The following AADAC variants were observed in gnomAD, a reference collection of about 807,000 sequenced individuals.
The protein encoded by AADAC is arylacetamide deacetylase (esterase).
A neutral mutation model predicts 22.7 loss-of-function variants in AADAC; 17 were observed. The ratio of observed to expected loss-of-function variants is 0.75; its 90% CI spans 0.51 to 1.12. The LOEUF (loss-of-function observed/expected upper bound fraction) is 1.12. Among genes scored for constraint, AADAC ranks in the 50% most tolerant of loss-of-function variants. The pLI is 0.00. For missense variants in AADAC, 465 were observed against 473.9 expected, an observed-to-expected ratio of 0.98 and a Z score of 0.17; for synonymous variants, 167 against 176.3, an observed-to-expected ratio of 0.95 and a Z score of 0.42.
At chr3:151,818,184 T>C (rs1716074239) in intron 2 of AADAC, among the ~76,000 whole-genome samples, 1 of 149,168 alleles carries the variant, frequency 6.7e-6, no homozygotes, top group Non-Finnish European at 1.5e-5. Flanking sequence ...GAGGTCGCAG[T>C]GAGCCAAGAT....
chr3:151,821,432 T>G (rs556519508), intron 3 of AADAC, among the ~76,000 whole-genome samples: 2 of 152,048 alleles, frequency 1.3e-5, no homozygotes, highest in African/African-American at 4.8e-5. Flanking sequence ...GGTAGACTCA[T>G]GCCAGAGCAG....
rs112335016 is a variant in AADAC at position 151,814,273 on chromosome 3, C to T, written c.111C>T (p.Asn37=). The T allele has an allele frequency of 7.4e-6, 12 of 1,612,970 alleles. 1 individual carries two copies. The highest frequency in any genetic ancestry group is 4.5e-5 in the East Asian group (2 of 44,850). The change falls in exon 1 of 5, where the codon AAC becomes AAT. Residue 37 remains asparagine, a synonymous_variant. Transcript: ENST00000232892. ...AGCCATGGAGAATGATGTGGATAAA[C>T]GCACATCTGAAAACTATACAAAATT... ...VEEPWRMMWI[N]AHLKTIQNLA... is the part of the protein sequence containing the mutation.
chr3:151,820,518 T>A, intron 3 of AADAC, 66 bp downstream of exon 3: 19 of 660,836 alleles, frequency 2.9e-5, no homozygotes, highest in Non-Finnish European at 3.4e-5. Context: ...TCAGCTTTCT[T>A]TTTTTTTTTT....
intron 3 of AADAC, 137 bp downstream of exon 3, chr3:151,820,589 C>T: frequency 4.5e-6 from 2 of 440,278 alleles, no homozygotes; most frequent in Non-Finnish European, 7.6e-6. Context: ...AGGATCTCGG[C>T]TCCCTGCAAC....
intron 3 of AADAC, among the ~76,000 whole-genome samples, chr3:151,823,572 C>T (rs1973740): frequency 0.51 from 76,762 of 151,634 alleles, 19,836 homozygotes; most frequent in Middle Eastern, 0.55. Context: ...AAGATACCTG[C>T]ATATACTCGA....
intron 2 of AADAC, among the ~76,000 whole-genome samples, chr3:151,819,341 A>T (rs1716135485): frequency 6.6e-6 from 1 of 151,958 alleles, no homozygotes; most frequent in Admixed American, 6.6e-5. Context: ...AGTAAGTAGG[A>T]TGGAAGTATG....
Position 151,824,700 on chromosome 3 carries a change from T to A in AADAC, c.469T>A (p.Phe157Ile). 1 of 1,591,464 alleles carries A rather than the reference T, an allele frequency of 6.3e-7. No homozygotes were observed. The highest frequency in any genetic ancestry group is 8.5e-7 in the Non-Finnish European group (1 of 1,170,506). The change falls in exon 4 of 5, where the codon TTT becomes ATT. Residue 157 changes from phenylalanine to isoleucine, a missense_variant. By Grantham distance (21) the Phe-to-Ile change is conservative (BLOSUM62 0). Coordinates refer to ENST00000232892, the MANE Select transcript of AADAC (RefSeq NM_001086.3). ...LAPKYHFPIQ[F>I]EDVYNALRWF... is the part of the protein sequence containing the mutation. ...ACCTAAGTATCATTTCCCAATTCAA[T>A]TTGAAGATGTATATAATGCCTTAAG...
rs1213781868 is a variant in AADAC, at chr3:151,827,764, G to T, written c.792G>T (p.Met264Ile). 1 of 1,613,132 alleles carries T rather than the reference G, an allele frequency of 6.2e-7. No individual in the cohort carries two copies. Among genetic ancestry groups the T allele is most frequent in the Non-Finnish European group, 8.5e-7 (1 of 1,179,518 alleles). ...FTTDRSLEKAMLSRQHVPVES... is the reference protein window; with the variant it reads ...FTTDRSLEKAILSRQHVPVES... Reference sequence around the variant, plus strand: ...CTGATAGATCACTTGAAAAAGCCATGCTTTCCAGACAACATGTACCTGTGG... The same window carrying T: ...CTGATAGATCACTTGAAAAAGCCATTCTTTCCAGACAACATGTACCTGTGG... Residue 264 changes from methionine to isoleucine, a missense_variant, in exon 5 of 5, where the codon ATG (methionine) becomes ATT (isoleucine). Met to Ile is a conservative substitution (Grantham distance 10). Transcript: ENST00000232892.
chr3:151,820,845 A>G (rs1256890636), intron 3 of AADAC, among the ~76,000 whole-genome samples: 1 of 143,882 alleles, frequency 7.0e-6, no homozygotes, highest in Non-Finnish European at 1.5e-5. Flanking sequence ...CAGCCAATGC[A>G]TGATCATGCC....
chr3:151,825,276 T>TAGGAGGATG (rs1716439596), intron 4 of AADAC, among the ~76,000 whole-genome samples: 1 of 151,568 alleles, frequency 6.6e-6, no homozygotes, highest in African/African-American at 2.4e-5. Flanking sequence ...CCTAGCTACC[T>TAGGAGGATG]AGGAGGCTGA....
chr3:151,818,636 G>GGCTGAAACTC (rs1386822263), intron 2 of AADAC, among the ~76,000 whole-genome samples: 1 of 152,036 alleles, frequency 6.6e-6, no homozygotes, highest in African/African-American at 2.4e-5. Context: ...GGTTACCTTT[G>GGCTGAAACTC]GCTGAAACTC....
rs752018970 is a variant in AADAC, at chr3:151,828,402, TA to T, written c.*236del. 24 of 276,164 alleles carry T rather than the reference TA, an allele frequency of 8.7e-5. No individual in the cohort carries two copies. Among genetic ancestry groups the T allele is most frequent in the Non-Finnish European group, 1.4e-4 (21 of 148,822 alleles). 17.1% of individuals were successfully genotyped at this position (276,164 alleles called of 1,614,324 possible). A position where few individuals can be genotyped will look rare whatever the true frequency, so the allele number is the denominator to read the frequency against. On this transcript the variant is annotated 3_prime_UTR_variant, in exon 5 of 5. Coordinates refer to ENST00000232892, the MANE Select transcript of AADAC (RefSeq NM_001086.3). ...CCTTCTTACACTGTTAATCTTATTT[TA>T]AAAAATATTACATTCTTGTATACTT...
intron 4 of AADAC, 83 bp from the exon 5 acceptor site, chr3:151,827,493 T>C (rs1043267367): frequency 4.6e-6 from 4 of 877,514 alleles, no homozygotes; most frequent in East Asian, 2.5e-5. Context: ...AAAAACAAGA[T>C]AGATAGACAG....
intron 4 of AADAC, 165 bp downstream of exon 4, chr3:151,824,999 T>G: frequency 1.9e-6 from 1 of 515,600 alleles, no homozygotes; most frequent in Non-Finnish European, 3.1e-6. Flanking sequence ...ACTAAAACAT[T>G]ATAATATCAA....
chr3:151,822,858 T>C (rs1716307150), intron 3 of AADAC, among the ~76,000 whole-genome samples: 1 of 151,944 alleles, frequency 6.6e-6, no homozygotes, highest in African/African-American at 2.4e-5. Context: ...AATCACTGAA[T>C]TGCATACTTA....
intron 1 of AADAC, 93 bp from the exon 2 acceptor site, chr3:151,817,273 A>T: frequency 9.5e-7 from 1 of 1,051,380 alleles, no homozygotes; most frequent in Non-Finnish European, 1.4e-6. Context: ...ATTCCATTTG[A>T]GTTTATTAAG....
chr3:151,817,716 T>C, intron 2 of AADAC, 128 bp downstream of exon 2: 1 of 807,932 alleles, frequency 1.2e-6, no homozygotes, highest in Non-Finnish European at 1.9e-6. Flanking sequence ...TGCTTTGTTC[T>C]GGCAAAGTTT....
At chr3:151,823,274 T>C (rs1716327338) in intron 3 of AADAC, among the ~76,000 whole-genome samples, 1 of 139,134 alleles carries the variant, frequency 7.2e-6, no homozygotes, top group Non-Finnish European at 1.6e-5. Context: ...CTAGACTCTG[T>C]CTCCCCGCAA....
intron 4 of AADAC, among the ~76,000 whole-genome samples, chr3:151,826,042 G>T (rs1490333890): frequency 6.6e-6 from 1 of 151,806 alleles, no homozygotes; most frequent in African/African-American, 2.4e-5. Context: ...ACAAACGAGG[G>T]TTCTACAGCA....
Sources: gnomAD v4.1 joint callset for allele counts (sites outside exome capture counted in the v4.1 genomes callset) on GRCh38, gnomAD v4.1.1 for gene constraint, MANE v1.5 for transcripts, NCBI Gene and HGNC (gene_info 2026-07-23, HGNC 2026-07-21) for gene names.